MPP7: variants seen among roughly 807,000 people sequenced by gnomAD.
The protein encoded by MPP7 is MAGUK p55 scaffold protein 7, also known as MAGUK p55 subfamily member 7.
In MPP7, 60 loss-of-function variants were observed where a neutral mutation model predicts 76.5. That is an observed-to-expected ratio of 0.78 (90% CI 0.64 to 0.97). The LOEUF (loss-of-function observed/expected upper bound fraction) is 0.97. MPP7 is among the 50% of genes least tolerant of loss of function. The pLI is 0.00. For synonymous variants in MPP7, 237 were observed against 244.5 expected (o/e 0.97, Z 0.29); for missense variants, 641 against 694.0 (o/e 0.92, Z 0.86).
At chr10:28,153,749 T>A (rs1422907474) in intron 3 of MPP7, among the ~76,000 whole-genome samples, 1 of 152,202 alleles carries the variant, frequency 6.6e-6, no homozygotes, top group Non-Finnish European at 1.5e-5. Flanking sequence ...TACCCCCCAA[T>A]GCAGTCATGT....
chr10:28,124,105 C>T lies in MPP7; in HGVS notation c.541G>A (p.Val181Ile). ...TTGACTTCCCTAAGTTCATCACCAACATGAATAAGACCTGAGAAATAGGAG... is the reference window on the plus strand; with the variant it reads ...TTGACTTCCCTAAGTTCATCACCAATATGAATAAGACCTGAGAAATAGGAG... Reference protein sequence around the residue: ...GAADRSGLIHVGDELREVNGI... With the variant: ...GAADRSGLIHIGDELREVNGI... The change falls in exon 8 of 17, where the codon GTT becomes ATT. Residue 181 changes from valine (V) to isoleucine (I), a missense_variant. Coordinates refer to ENST00000683449, the MANE Select transcript of MPP7 (RefSeq NM_001318170.2). 1 of 1,608,564 alleles carries T rather than the reference C, an allele frequency of 6.2e-7. No individual in the cohort carries two copies. The highest frequency in any genetic ancestry group is 8.5e-7 in the Non-Finnish European group (1 of 1,175,108).
At chr10:28,107,974 A>G (rs1834376242) in intron 11 of MPP7, among the ~76,000 whole-genome samples, 1 of 152,216 alleles carries the variant, frequency 6.6e-6, no homozygotes, top group South Asian at 2.1e-4. Flanking sequence ...TCATCATCCA[A>G]TTCTTACTTA....
At chr10:28,322,977 A>G (rs981940941) in intron 2 of MPP7, among the ~76,000 whole-genome samples, 2 of 151,728 alleles carry the variant, frequency 1.3e-5, no homozygotes, top group East Asian at 3.9e-4. Context: ...ACATAATAAG[A>G]CCCATCTCTA....
chr10:28,310,188 G>A (rs909577470), intron 2 of MPP7, among the ~76,000 whole-genome samples: 1 of 152,016 alleles, frequency 6.6e-6, no homozygotes, highest in Non-Finnish European at 1.5e-5. Flanking sequence ...TTTTGGTAGA[G>A]ACGGGGTTTC....
chr10:28,270,964 T>C (rs896786319), intron 1 of MPP7, among the ~76,000 whole-genome samples: 6 of 152,188 alleles, frequency 3.9e-5, no homozygotes, highest in African/African-American at 1.4e-4. Flanking sequence ...GCTAAATAAT[T>C]AGCTGGTGAT....
At chr10:28,087,056 G>A (rs1235722534) in intron 12 of MPP7, among the ~76,000 whole-genome samples, 1 of 152,188 alleles carries the variant, frequency 6.6e-6, no homozygotes, top group Non-Finnish European at 1.5e-5. Context: ...CCAAGGAGAG[G>A]TGTTTGGGTC....
At chr10:28,166,458 A>G (rs1733387332) in intron 3 of MPP7, among the ~76,000 whole-genome samples, 3 of 123,194 alleles carry the variant, frequency 2.4e-5, no homozygotes, top group East Asian at 5.3e-4. Context: ...CTCAGGCTGG[A>G]GTGCAGTGGT....
At chr10:28,226,856 G>A (rs11006930) in intron 2 of MPP7, among the ~76,000 whole-genome samples, 26,397 of 152,090 alleles carry the variant, frequency 0.17, 2,597 homozygotes, top group African/African-American at 0.26. Context: ...ATTATGCACT[G>A]ATAAAGATTA....
chr10:28,143,908 T>C (rs552767884), intron 5 of MPP7, among the ~76,000 whole-genome samples: 32 of 149,594 alleles, frequency 2.1e-4, no homozygotes, highest in Non-Finnish European at 3.7e-4. Context: ...TGTGTGAGAC[T>C]GAGTTTCACT....
chr10:28,181,742 C>T (rs2133909233), intron 3 of MPP7, among the ~76,000 whole-genome samples: 1 of 152,314 alleles, frequency 6.6e-6, no homozygotes, highest in South Asian at 2.1e-4. Flanking sequence ...AAGAACTTTA[C>T]TCAATGAACA....
chr10:28,060,054 T>C (rs1330955104), intron 13 of MPP7, among the ~76,000 whole-genome samples: 1 of 151,912 alleles, frequency 6.6e-6, no homozygotes, highest in African/African-American at 2.4e-5. Flanking sequence ...AAAAACCTTT[T>C]TTTTTTTTTT....
At chr10:28,216,135 T>TTG (rs397947452) in intron 2 of MPP7, among the ~76,000 whole-genome samples, 2 of 103,158 alleles carry the variant, frequency 1.9e-5, no homozygotes, top group Admixed American at 8.5e-5. Flanking sequence ...CACCCAACAC[T>TTG]GGGAGGCTGA....
At chr10:28,069,042 T>A (rs1351072830) in intron 13 of MPP7, among the ~76,000 whole-genome samples, 3 of 152,180 alleles carry the variant, frequency 2.0e-5, no homozygotes, top group African/African-American at 7.2e-5. Context: ...GAGGTCTAGA[T>A]GAGTGAGTGC....
chr10:28,292,914 G>C (rs1176752581), intron 1 of MPP7, among the ~76,000 whole-genome samples: 1 of 151,400 alleles, frequency 6.6e-6, no homozygotes, highest in East Asian at 1.9e-4. Context: ...GATACAGGTA[G>C]CATCACAAAC....
At chr10:28,120,954 T>C (rs1007982556) in intron 8 of MPP7, among the ~76,000 whole-genome samples, 2 of 152,116 alleles carry the variant, frequency 1.3e-5, no homozygotes, top group Non-Finnish European at 2.9e-5. Flanking sequence ...TTCTTCGAAA[T>C]AGAAACACAC....
chr10:28,109,396 T>G (rs949272389), intron 11 of MPP7, among the ~76,000 whole-genome samples: 1 of 152,182 alleles, frequency 6.6e-6, no homozygotes, highest in African/African-American at 2.4e-5. Context: ...AAAGTCCAGA[T>G]GCCATTAATT....
upstream of MPP7, among the ~76,000 whole-genome samples, chr10:28,303,927 G>A (rs1841224421): frequency 6.6e-6 from 1 of 151,980 alleles, no homozygotes; most frequent in South Asian, 2.1e-4. Context: ...ACTGCAAACA[G>A]AATTACAGGA....
intron 1 of MPP7, among the ~76,000 whole-genome samples, chr10:28,264,101 A>G (rs1008661498): frequency 6.6e-6 from 1 of 152,114 alleles, no homozygotes; most frequent in Non-Finnish European, 1.5e-5. Flanking sequence ...GTTGGAGACC[A>G]GCCTGGACAA....
At chr10:28,268,974 TCTTC>T (rs1564746282) in intron 1 of MPP7, among the ~76,000 whole-genome samples, 1 of 152,156 alleles carries the variant, frequency 6.6e-6, no homozygotes, top group African/African-American at 2.4e-5. Context: ...ATGAAACTAC[TCTTC>T]CTTCAGGAAT....
Sources: gnomAD v4.1 joint callset for allele counts (sites outside exome capture counted in the v4.1 genomes callset) on GRCh38, gnomAD v4.1.1 for gene constraint, MANE v1.5 for transcripts, NCBI Gene and HGNC (gene_info 2026-07-23, HGNC 2026-07-21) for gene names.